Variants in STX16 observed in about 807,000 individuals in gnomAD.
STX16 encodes the protein syntaxin 16.
Under a neutral mutation model 42.7 loss-of-function variants are expected in STX16, and 28 were observed. The observed-to-expected ratio is 0.66, with a 90% CI of 0.49 to 0.90. STX16 has a LOEUF of 0.90. STX16 is among the 40% of genes least tolerant of loss of function. The pLI is 0.00. For synonymous variants in STX16, 156 were observed against 155.2 expected (o/e 1.00, Z -0.04); for missense variants, 361 against 420.9 (o/e 0.86, Z 1.24).
At chr20:58,674,364 G>A (rs1387733163) in intron 8 of STX16, among the ~76,000 whole-genome samples, 1 of 152,138 alleles carries the variant, frequency 6.6e-6, no homozygotes, top group Non-Finnish European at 1.5e-5. Flanking sequence ...TGCATAAACG[G>A]CTGAGACTCT....
rs745958261 is a variant in STX16 at position 58,671,288 on chromosome 20, T to C, written c.783T>C (p.Ile261=). 3.7e-6 allele frequency: 6 copies of C among 1,610,852 alleles called. No homozygotes were observed. The highest frequency in any genetic ancestry group is 4.2e-6 in the Non-Finnish European group (5 of 1,177,856). Residue 261 remains isoleucine, a synonymous_variant, in exon 7 of 9, where the codon ATT becomes ATC. Coordinates refer to ENST00000371141, the MANE Select transcript of STX16 (RefSeq NM_001001433.3). ...NEIFRDLGAM[I]VEQGTVLDRI... ...TATTCAGGGACTTAGGGGCGATGAT[T>C]GTAGAACAGGTACGTGAGCTGGCCT...
intron 5 of STX16, among the ~76,000 whole-genome samples, chr20:58,669,957 G>A (rs1275907892): frequency 6.6e-6 from 1 of 152,158 alleles, no homozygotes; most frequent in African/African-American, 2.4e-5. Flanking sequence ...CCCAAATAGT[G>A]CAAAGCCAGA....
intron 1 of STX16, chr20:58,652,448 C>G (rs2083489031): frequency 2.4e-6 from 1 of 414,054 alleles, no homozygotes; most frequent in African/African-American, 2.2e-5. Context: ...TTAACGCTAA[C>G]ATTGGGAAGC....
At chr20:58,664,367 GTTTC>G (rs1309709393) in intron 2 of STX16, among the ~76,000 whole-genome samples, 3 of 152,180 alleles carry the variant, frequency 2.0e-5, no homozygotes, top group Admixed American at 6.5e-5. Context: ...ATAGGGTGGT[GTTTC>G]TTTATTATAA....
At chr20:58,652,345 C>T (rs1234967363) in intron 1 of STX16, 1 of 724,500 alleles carries the variant, frequency 1.4e-6, no homozygotes, top group African/African-American at 1.7e-5. Flanking sequence ...TCCACCTCTG[C>T]CCGGTCTTCT....
At chr20:58,664,036 G>T (rs1360606373) in intron 2 of STX16, among the ~76,000 whole-genome samples, 2 of 152,214 alleles carry the variant, frequency 1.3e-5, no homozygotes, top group African/African-American at 4.8e-5. Context: ...GTAAGGGTAA[G>T]GAGAGAGAAT....
chr20:58,663,658 C>G (rs1463601629), intron 2 of STX16, among the ~76,000 whole-genome samples: 5 of 150,448 alleles, frequency 3.3e-5, no homozygotes, highest in Non-Finnish European at 1.5e-5. Context: ...TTTTTTACTT[C>G]AGAAGCACAA....
At chr20:58,673,890 G>A (rs533320414) in intron 8 of STX16, among the ~76,000 whole-genome samples, 179 bp downstream of exon 8, 2 of 152,328 alleles carry the variant, frequency 1.3e-5, no homozygotes, top group Admixed American at 6.5e-5. Flanking sequence ...GGCTGTTGCC[G>A]TTTTATTGCA....
intron 8 of STX16, among the ~76,000 whole-genome samples, chr20:58,675,560 T>C (rs2084092873): frequency 6.6e-6 from 1 of 152,218 alleles, no homozygotes; most frequent in Non-Finnish European, 1.5e-5. Flanking sequence ...CGTCCCCAGA[T>C]TGAGCTTGGA....
chr20:58,658,115 C>T (rs1206044061), intron 1 of STX16, among the ~76,000 whole-genome samples: 2 of 152,074 alleles, frequency 1.3e-5, no homozygotes, highest in Non-Finnish European at 2.9e-5. Flanking sequence ...TGTGTGTGCT[C>T]GGTTAATAAT....
intron 8 of STX16, among the ~76,000 whole-genome samples, chr20:58,674,534 A>T (rs998405514): frequency 2.0e-5 from 3 of 152,180 alleles, no homozygotes; most frequent in African/African-American, 7.2e-5. Flanking sequence ...CATTTTTCTG[A>T]AATCAGTCGC....
intron 1 of STX16, 184 bp downstream of exon 1, chr20:58,652,322 G>A (rs1481817327): frequency 2.4e-5 from 20 of 838,936 alleles, no homozygotes; most frequent in Non-Finnish European, 3.4e-5. Flanking sequence ...AAGCGGTGCT[G>A]TGAGGCCGCA....
intron 2 of STX16, among the ~76,000 whole-genome samples, chr20:58,661,742 G>A (rs1376740657): frequency 6.6e-6 from 1 of 152,218 alleles, no homozygotes; most frequent in East Asian, 1.9e-4. Context: ...GGTGTGGTTG[G>A]GGACAGTGTC....
intron 5 of STX16, 21 bp downstream of exon 5, chr20:58,669,474 G>A: frequency 6.3e-7 from 1 of 1,586,472 alleles, no homozygotes; most frequent in Non-Finnish European, 8.5e-7. Flanking sequence ...CCCGGGCCTA[G>A]TGAAGGGATT....
At chr20:58,670,301 G>A (rs565940162) in intron 5 of STX16, among the ~76,000 whole-genome samples, 1 of 152,218 alleles carries the variant, frequency 6.6e-6, no homozygotes, top group Admixed American at 6.5e-5. Context: ...TGTGACTTTT[G>A]TCTTGAGTAA....
intron 2 of STX16, among the ~76,000 whole-genome samples, chr20:58,664,465 A>T (rs1272856731): frequency 6.6e-6 from 1 of 152,238 alleles, no homozygotes; most frequent in Admixed American, 6.5e-5. Flanking sequence ...CAGCTGTTCT[A>T]TCTTACTGGC....
At position 58,668,042 on chromosome 20, in the gene STX16, A is replaced by G. The variant is rs376642578; in HGVS notation, c.308A>G (p.His103Arg). The G allele has an allele frequency of 2.5e-6, 4 of 1,614,142 alleles. No individual in the cohort carries two copies. Among genetic ancestry groups the G allele is most frequent in the Non-Finnish European group, 2.5e-6 (3 of 1,180,058 alleles). ...KQKMKELASL[H>R]DKHLNRPTLD... ...AAGATGAAAGAATTGGCCAGCCTTCATGACAAGCATTTAAACAGACCCACC... is the reference window on the plus strand; with the variant it reads ...AAGATGAAAGAATTGGCCAGCCTTCGTGACAAGCATTTAAACAGACCCACC... The change falls in exon 4 of 9, where the codon CAT (histidine) becomes CGT (arginine). Residue 103 changes from histidine to arginine, a missense_variant. Coordinates refer to ENST00000371141, the MANE Select transcript of STX16 (RefSeq NM_001001433.3).
intron 5 of STX16, 54 bp from the exon 6 acceptor site, chr20:58,670,458 C>A: frequency 1.4e-6 from 2 of 1,397,568 alleles, no homozygotes; most frequent in African/African-American, 1.4e-5. Context: ...AATGGTAGAA[C>A]AATACTCAGG....
In STX16 at chr20:58,673,683, C is replaced by T. The variant is rs752193031; in HGVS notation, c.845C>T (p.Thr282Ile). ...AACGTTGAACAGTCCTGTATCAAAA[C>T]TGAAGATGGTTTGAAACAGCTTCAC... Reference protein sequence around the residue: ...DYNVEQSCIKTEDGLKQLHKA... With the variant: ...DYNVEQSCIKIEDGLKQLHKA... Residue 282 changes from threonine (T) to isoleucine (I), a missense_variant, in exon 8 of 9, where the codon ACT (threonine) becomes ATT (isoleucine). Transcript: ENST00000371141. 4.3e-6 allele frequency: 7 copies of T among 1,613,500 alleles called. No individual in the cohort carries two copies. The highest frequency in any genetic ancestry group is 1.3e-5 in the African/African-American group (1 of 74,900).
Sources: allele counts gnomAD v4.1 joint callset (sites outside exome capture counted in the v4.1 genomes callset), GRCh38; gene constraint gnomAD v4.1.1; transcripts MANE v1.5; gene names NCBI Gene and HGNC (gene_info 2026-07-23, HGNC 2026-07-21).